PPP1R1C: variants seen among roughly 807,000 people sequenced by gnomAD.
PPP1R1C encodes the protein protein phosphatase 1 regulatory inhibitor subunit 1C.
In PPP1R1C, 15 loss-of-function variants were observed where a neutral mutation model predicts 17.4. That is an observed-to-expected ratio of 0.86 (90% CI 0.58 to 1.33). The LOEUF (loss-of-function observed/expected upper bound fraction) is 1.33. Ranked by LOEUF, PPP1R1C falls within the 40% of genes most tolerant of loss-of-function variation. The pLI, the probability that PPP1R1C is intolerant of heterozygous loss-of-function variation, is 0.00. For missense variants in PPP1R1C, 143 were observed against 130.0 expected, an observed-to-expected ratio of 1.10 and a Z score of -0.48; for synonymous variants, 35 against 43.1, an observed-to-expected ratio of 0.81 and a Z score of 0.73.
At chr2:182,100,021 A>T (rs1179966371) in intron 4 of PPP1R1C, among the ~76,000 whole-genome samples, 1 of 152,166 alleles carries the variant, frequency 6.6e-6, no homozygotes, top group East Asian at 1.9e-4. Context: ...CTATTACCTC[A>T]GTTGTGGTAC....
intron 2 of PPP1R1C, among the ~76,000 whole-genome samples, chr2:182,035,105 G>A (rs1003910400): frequency 6.6e-6 from 1 of 152,154 alleles, no homozygotes; most frequent in African/African-American, 2.4e-5. Context: ...GTATGCCCAT[G>A]TGCACATCTG....
At chr2:182,120,718 A>T (rs887700557), downstream of PPP1R1C, among the ~76,000 whole-genome samples, 6 of 152,300 alleles carry the variant, frequency 3.9e-5, no homozygotes, top group East Asian at 1.9e-4. Flanking sequence ...CCTTGAACAG[A>T]TGCTTTTAAA....
chr2:181,970,234 T>C (rs1390846714), intron 1 of PPP1R1C, among the ~76,000 whole-genome samples: 1 of 152,166 alleles, frequency 6.6e-6, no homozygotes, highest in Non-Finnish European at 1.5e-5. Flanking sequence ...GTATTTATTA[T>C]AGTCTTTGCA....
intron 2 of PPP1R1C, among the ~76,000 whole-genome samples, chr2:182,041,822 A>G (rs1687193813): frequency 6.6e-6 from 1 of 152,104 alleles, no homozygotes; most frequent in Non-Finnish European, 1.5e-5. Context: ...AAATGTCATC[A>G]TGTTTGCTTC....
chr2:182,121,968 C>T (rs954655143), downstream of PPP1R1C, among the ~76,000 whole-genome samples: 1 of 152,158 alleles, frequency 6.6e-6, no homozygotes, highest in African/African-American at 2.4e-5. Context: ...GATAAAATGT[C>T]ATCAGTTCCT....
At chr2:181,969,782 C>T (rs1364212094) in intron 1 of PPP1R1C, among the ~76,000 whole-genome samples, 1 of 152,112 alleles carries the variant, frequency 6.6e-6, no homozygotes, top group Non-Finnish European at 1.5e-5. Flanking sequence ...TGTAGGCATG[C>T]TTGTTTTTTA....
At chr2:182,038,214 G>C (rs1276728372) in intron 2 of PPP1R1C, among the ~76,000 whole-genome samples, 1 of 151,792 alleles carries the variant, frequency 6.6e-6, no homozygotes, top group East Asian at 1.9e-4. Context: ...ATGTTTTGTG[G>C]TTTTTGTAGA....
intron 2 of PPP1R1C, among the ~76,000 whole-genome samples, chr2:182,004,922 G>A (rs1685872633): frequency 6.6e-6 from 1 of 152,128 alleles, no homozygotes; most frequent in South Asian, 2.1e-4. Flanking sequence ...CAAGACAGAA[G>A]CCATTTGGGA....
chr2:182,098,468 G>C (rs1574450816), intron 4 of PPP1R1C, among the ~76,000 whole-genome samples: 1 of 152,172 alleles, frequency 6.6e-6, no homozygotes, highest in East Asian at 1.9e-4. Flanking sequence ...AGTTATTTAT[G>C]TAAAGAGTAT....
At chr2:182,058,602 A>C (rs994635313) in intron 2 of PPP1R1C, among the ~76,000 whole-genome samples, 2 of 152,116 alleles carry the variant, frequency 1.3e-5, no homozygotes, top group African/African-American at 4.8e-5. Flanking sequence ...GAAAATGAGG[A>C]AGGCAGAGTA....
At chr2:181,960,113 G>A (rs1684744743) in intron 1 of PPP1R1C, among the ~76,000 whole-genome samples, 1 of 152,148 alleles carries the variant, frequency 6.6e-6, no homozygotes, top group South Asian at 2.1e-4. Flanking sequence ...ATCCTTATCA[G>A]CTAACACCTG....
chr2:181,970,930 T>C (rs966853765), intron 1 of PPP1R1C, among the ~76,000 whole-genome samples: 3 of 152,068 alleles, frequency 2.0e-5, no homozygotes, highest in African/African-American at 7.2e-5. Flanking sequence ...AGTCAGCTCA[T>C]GGTGAATGCT....
At chr2:181,972,496 A>C (rs889122747) in intron 1 of PPP1R1C, among the ~76,000 whole-genome samples, 3 of 139,902 alleles carry the variant, frequency 2.1e-5, no homozygotes, top group Admixed American at 1.4e-4. Context: ...TTAATAGGAC[A>C]AAAAAAAAAC....
chr2:182,085,516 A>G (rs1409261157), intron 4 of PPP1R1C, among the ~76,000 whole-genome samples: 1 of 152,162 alleles, frequency 6.6e-6, no homozygotes, highest in African/African-American at 2.4e-5. Flanking sequence ...GAACGTGAAT[A>G]TGGGTGCCAA....
At chr2:182,095,041 A>G (rs1323515941) in intron 4 of PPP1R1C, among the ~76,000 whole-genome samples, 3 of 152,228 alleles carry the variant, frequency 2.0e-5, no homozygotes, top group African/African-American at 7.2e-5. Context: ...CTGTAATCCC[A>G]GCACTCTGGG....
intron 2 of PPP1R1C, among the ~76,000 whole-genome samples, chr2:182,022,760 A>G (rs1392226086): frequency 6.6e-6 from 1 of 152,192 alleles, no homozygotes; most frequent in Non-Finnish European, 1.5e-5. Context: ...AGGCTTCCAT[A>G]ATTAATGAGA....
At chr2:181,990,215 T>G (rs1181802450) in intron 2 of PPP1R1C, among the ~76,000 whole-genome samples, 1 of 151,808 alleles carries the variant, frequency 6.6e-6, no homozygotes, top group African/African-American at 2.4e-5. Context: ...CTCAGCTCAC[T>G]GCAAGCTCCA....
At position 181,986,155 on chromosome 2, in the gene PPP1R1C, A is replaced by G. The variant is rs61732228; in HGVS notation, c.45A>G (p.Val15=). 49,984 of 1,613,470 alleles carry G rather than the reference A, an allele frequency of 0.031. 920 individuals carry two copies. The highest frequency in any genetic ancestry group is 0.037 in the Non-Finnish European group (43,605 of 1,179,390). ...SPKKIQFAVP[V]FQSQIAPEAA... ...AAAAGATACAGTTTGCCGTGCCTGT[A>G]TTCCAGAGTCAGATTGCACCTGAAG... Residue 15 remains valine (V), a synonymous_variant, in exon 1 of 5, where the codon GTA becomes GTG. Coordinates refer to ENST00000682840, the MANE Select transcript of PPP1R1C (RefSeq NM_001080545.3).
chr2:182,113,319 T>G (rs1689494770), intron 4 of PPP1R1C, among the ~76,000 whole-genome samples: 1 of 152,242 alleles, frequency 6.6e-6, no homozygotes, highest in African/African-American at 2.4e-5. Flanking sequence ...TCCAGTATTT[T>G]AGGAATTCAA....
Sources: allele counts gnomAD v4.1 joint callset (sites outside exome capture counted in the v4.1 genomes callset), GRCh38; gene constraint gnomAD v4.1.1; transcripts MANE v1.5; gene names NCBI Gene and HGNC (gene_info 2026-07-23, HGNC 2026-07-21).